The following DRC2 variants were observed in gnomAD, a reference collection of about 807,000 sequenced individuals.
DRC2 encodes the protein coiled-coil domain containing 65.
the DRC2 span, chr12:48,918,645 T>G: frequency 6.3e-7 from 1 of 1,593,766 alleles, no homozygotes; most frequent in Non-Finnish European, 8.6e-7. Context: ...GACCCTCAGT[T>G]GGTCAAGTAG....
chr12:48,915,114 C>CTTTTTTTTTT, the DRC2 span, among the ~76,000 whole-genome samples: 1 of 133,924 alleles, frequency 7.5e-6, no homozygotes, highest in Non-Finnish European at 1.6e-5. Context: ...CACTTTCTTT[C>CTTTTTTTTTT]TTTTTTTTTT....
the DRC2 span, among the ~76,000 whole-genome samples, chr12:48,911,535 T>C: frequency 6.6e-6 from 1 of 151,452 alleles, no homozygotes; most frequent in East Asian, 1.9e-4. Flanking sequence ...CCAGCCTGGG[T>C]GACAGGACAA....
chr12:48,918,832 CAGA>C, the DRC2 span: 92 of 1,614,020 alleles, frequency 5.7e-5, no homozygotes, highest in Non-Finnish European at 6.6e-5. Context: ...GGCAGCATCC[CAGA>C]AGAACTTAGT....
chr12:48,914,655 T>C, the DRC2 span: 1 of 1,332,880 alleles, frequency 7.5e-7, no homozygotes, highest in African/African-American at 1.4e-5. Context: ...TGTAAGCAAG[T>C]GGCTAGTATC....
At chr12:48,910,842 C>G in the DRC2 span, among the ~76,000 whole-genome samples, 2 of 152,046 alleles carry the variant, frequency 1.3e-5, no homozygotes, top group Admixed American at 1.3e-4. Flanking sequence ...CCTAGGAGTT[C>G]GAGATCGGCC....
chr12:48,914,633 C>A, the DRC2 span: 3 of 1,534,406 alleles, frequency 2.0e-6, no homozygotes, highest in South Asian at 2.4e-5. Context: ...GAGTCCGTGT[C>A]AAGGAGTTGC....
At chr12:48,904,151 G>A in the DRC2 span, 1 of 692,184 alleles carries the variant, frequency 1.4e-6, no homozygotes, top group Non-Finnish European at 2.4e-6. Flanking sequence ...CTTACAGTGG[G>A]AGAGCTCAGC....
the DRC2 span, among the ~76,000 whole-genome samples, chr12:48,907,571 T>G: frequency 1.3e-5 from 2 of 152,234 alleles, no homozygotes; most frequent in African/African-American, 2.4e-5. Context: ...TTAGTGATCC[T>G]CACTATCTCT....
the DRC2 span, chr12:48,904,141 C>A: frequency 1.1e-5 from 7 of 649,524 alleles, no homozygotes; most frequent in South Asian, 1.4e-4. Context: ...CTAGACGCGT[C>A]TTACAGTGGG....
the DRC2 span, chr12:48,914,443 G>A: frequency 7.4e-6 from 12 of 1,613,700 alleles, no homozygotes; most frequent in Middle Eastern, 1.6e-4. Context: ...GGAGCAGTAC[G>A]CCCATGCCCT....
the DRC2 span, chr12:48,904,201 G>A: frequency 1.8e-5 from 22 of 1,193,458 alleles, no homozygotes; most frequent in Non-Finnish European, 2.5e-5. Flanking sequence ...CGAGGGCTGA[G>A]ATCTCCGGTC....
At chr12:48,907,034 T>C in the DRC2 span, among the ~76,000 whole-genome samples, 3 of 151,454 alleles carry the variant, frequency 2.0e-5, no homozygotes, top group African/African-American at 7.3e-5. Flanking sequence ...GCTAACATGG[T>C]GAAACCCCAT....
chr12:48,918,591 T>C, the DRC2 span: 3 of 1,492,122 alleles, frequency 2.0e-6, no homozygotes, highest in Non-Finnish European at 2.8e-6. Context: ...GATGATATGC[T>C]CTGATTTCAG....
At chr12:48,919,575 T>C in the DRC2 span, among the ~76,000 whole-genome samples, 2 of 151,890 alleles carry the variant, frequency 1.3e-5, no homozygotes, top group African/African-American at 2.4e-5. Flanking sequence ...TGGAGTGCAG[T>C]GGCATGATCT....
the DRC2 span, among the ~76,000 whole-genome samples, chr12:48,910,200 A>G: frequency 6.6e-6 from 1 of 152,208 alleles, no homozygotes; most frequent in Non-Finnish European, 1.5e-5. Context: ...GTCACTCAAT[A>G]GATCATCAAC....
the DRC2 span, chr12:48,905,095 TA>T: frequency 6.2e-7 from 1 of 1,610,734 alleles, no homozygotes; most frequent in Non-Finnish European, 8.5e-7. Context: ...TGGTGGACTG[TA>T]AGGACAATGT....
the DRC2 span, among the ~76,000 whole-genome samples, chr12:48,916,204 C>T: frequency 1.3e-5 from 2 of 151,892 alleles, no homozygotes; most frequent in African/African-American, 2.4e-5. Flanking sequence ...GGGTGGCGGC[C>T]GGGCAGAGGC....
At chr12:48,914,889 C>T in the DRC2 span, among the ~76,000 whole-genome samples, 5 of 150,876 alleles carry the variant, frequency 3.3e-5, no homozygotes, top group African/African-American at 1.2e-4. Flanking sequence ...GACGGAGTGT[C>T]GCTCTGTTGT....
chr12:48,911,633 T>TA, the DRC2 span, among the ~76,000 whole-genome samples: 1 of 151,640 alleles, frequency 6.6e-6, no homozygotes, highest in African/African-American at 2.4e-5. Context: ...GAAAAAGAAA[T>TA]AGAGATGGTG....
Sources: allele counts gnomAD v4.1 joint callset (sites outside exome capture counted in the v4.1 genomes callset), GRCh38; gene constraint gnomAD v4.1.1; transcripts MANE v1.5; gene names NCBI Gene and HGNC (gene_info 2026-07-23, HGNC 2026-07-21).